PRPSAP2: variants seen among roughly 807,000 people sequenced by gnomAD.
PRPSAP2 encodes phosphoribosyl pyrophosphate synthetase associated protein 2.
A neutral mutation model predicts 40.6 loss-of-function variants in PRPSAP2; 24 were observed. The observed-to-expected ratio is 0.59, with a 90% CI of 0.43 to 0.83. The LOEUF (loss-of-function observed/expected upper bound fraction) is 0.83. Ranked by LOEUF, PRPSAP2 falls within the 40% of genes least tolerant of loss-of-function variation. The probability of loss-of-function intolerance (pLI) is 0.00; values close to 1 mark genes in which losing one functional copy is unlikely to be tolerated. For synonymous variants in PRPSAP2, 149 were observed against 164.7 expected, an observed-to-expected ratio of 0.90 and a Z score of 0.73; for missense variants, 292 against 465.6, an observed-to-expected ratio of 0.63 and a Z score of 3.43.
At chr17:18,884,628 C>T (rs548276283) in intron 7 of PRPSAP2, among the ~76,000 whole-genome samples, 9 of 152,300 alleles carry the variant, frequency 5.9e-5, no homozygotes, top group Non-Finnish European at 1.3e-4. Context: ...GTGTGAGCCA[C>T]TGTGCCTGGC....
At chr17:18,880,772 C>T (rs773621824) in intron 6 of PRPSAP2, among the ~76,000 whole-genome samples, 2 of 152,066 alleles carry the variant, frequency 1.3e-5, no homozygotes, top group Non-Finnish European at 2.9e-5. Context: ...TTGATCTGCT[C>T]TAATATAATT....
chr17:18,868,857 C>G (rs1409556619), intron 4 of PRPSAP2, among the ~76,000 whole-genome samples: 13 of 151,844 alleles, frequency 8.6e-5, no homozygotes, highest in Non-Finnish European at 1.5e-5. Flanking sequence ...AGGCCTGGCC[C>G]CTCTACAGGA....
chr17:18,911,360 A>G lies in PRPSAP2; in HGVS notation c.733+109A>G. 1 of 1,270,486 alleles carries G rather than the reference A, an allele frequency of 7.9e-7. No homozygotes were observed. Among genetic ancestry groups the G allele is most frequent in the Non-Finnish European group, 1.1e-6 (1 of 945,898 alleles). 78.7% of individuals were successfully genotyped at this position (1,270,486 alleles called of 1,614,324 possible). On this transcript the variant is annotated intron_variant, in intron 9 of 11. Coordinates refer to ENST00000268835, the MANE Select transcript of PRPSAP2 (RefSeq NM_002767.4). The surrounding 1 kb of genome is among the most constrained non-coding windows in gnomAD (Gnocchi z 4.5). ...CTTCGTTTTTTTTTAGTTGGCAAAAACTCATTAACACCTTTCTTGGCCAGA... is the reference window on the plus strand; with the variant it reads ...CTTCGTTTTTTTTTAGTTGGCAAAAGCTCATTAACACCTTTCTTGGCCAGA...
chr17:18,920,392 G>A (rs17842759), intron 9 of PRPSAP2, among the ~76,000 whole-genome samples: 29,300 of 151,910 alleles, frequency 0.19, 3,220 homozygotes, highest in African/African-American at 0.29. Flanking sequence ...TTCTTTACTC[G>A]TGGGATCTTT....
intron 9 of PRPSAP2, among the ~76,000 whole-genome samples, chr17:18,914,972 T>A (rs1448805728): frequency 6.6e-6 from 1 of 151,436 alleles, no homozygotes; most frequent in East Asian, 1.9e-4. Context: ...GTGGTCCGCC[T>A]GCCTCAGCCT....
At chr17:18,913,427 G>T (rs9906795) in intron 9 of PRPSAP2, among the ~76,000 whole-genome samples, 14,770 of 151,590 alleles carry the variant, frequency 0.097, 902 homozygotes, top group African/African-American at 0.17. Context: ...CCTTGAAATC[G>T]TTCTGCCCCC....
At chr17:18,896,763 A>T (rs533301988) in intron 8 of PRPSAP2, among the ~76,000 whole-genome samples, 1 of 152,144 alleles carries the variant, frequency 6.6e-6, no homozygotes, top group East Asian at 1.9e-4. Flanking sequence ...AAGCTGCCAG[A>T]TAGGCATAAT....
intron 8 of PRPSAP2, among the ~76,000 whole-genome samples, chr17:18,897,621 C>T (rs1351764333): frequency 2.0e-5 from 3 of 152,046 alleles, no homozygotes; most frequent in Non-Finnish European, 2.9e-5. Context: ...ATCTTCACAC[C>T]CAGCTAATTT....
chr17:18,912,109 G>A (rs2040995275), intron 9 of PRPSAP2, among the ~76,000 whole-genome samples: 1 of 151,992 alleles, frequency 6.6e-6, no homozygotes, highest in Admixed American at 6.6e-5. Context: ...TTGAACCCGG[G>A]AGACAGAGGT....
At chr17:18,898,030 C>A (rs549635675) in intron 8 of PRPSAP2, among the ~76,000 whole-genome samples, 1 of 125,280 alleles carries the variant, frequency 8.0e-6, no homozygotes. Flanking sequence ...GGCAGTGTCT[C>A]GCTCTGTCAC....
At chr17:18,900,211 G>A (rs1206394298) in intron 8 of PRPSAP2, among the ~76,000 whole-genome samples, 8 of 152,158 alleles carry the variant, frequency 5.3e-5, no homozygotes, top group African/African-American at 1.4e-4. Flanking sequence ...TAGTAGAGAC[G>A]GGGTTTTGCC....
At chr17:18,883,920 G>T (rs1395255154) in intron 7 of PRPSAP2, among the ~76,000 whole-genome samples, 3 of 151,720 alleles carry the variant, frequency 2.0e-5, no homozygotes, top group African/African-American at 7.3e-5. Context: ...TTTTGAAAGA[G>T]AAAAATGTAA....
intron 8 of PRPSAP2, among the ~76,000 whole-genome samples, chr17:18,900,231 AG>A (rs771279521): frequency 6.6e-6 from 1 of 152,214 alleles, no homozygotes; most frequent in Non-Finnish European, 1.5e-5. Context: ...CATGTTGGCC[AG>A]GCTGGTTTCA....
chr17:18,856,371 T>C (rs891098633), upstream of PRPSAP2: 1 of 152,142 alleles, frequency 6.6e-6, no homozygotes, highest in African/African-American at 2.4e-5. Context: ...CGGAGTTAGA[T>C]GCCAGCGCAG....
intron 8 of PRPSAP2, chr17:18,908,482 C>T (rs748482669): frequency 3.0e-5 from 23 of 759,396 alleles, no homozygotes; most frequent in African/African-American, 1.2e-4. Context: ...AGTGAGGCAC[C>T]GGCAACGTCA....
chr17:18,903,744 TAAAATA>T (rs2040420038), intron 8 of PRPSAP2, among the ~76,000 whole-genome samples: 1 of 151,876 alleles, frequency 6.6e-6, no homozygotes, highest in African/African-American at 2.4e-5. Flanking sequence ...AAAAACAAAG[TAAAATA>T]AAAAGGTATT....
chr17:18,864,428 G>A (rs1335790574), intron 1 of PRPSAP2, among the ~76,000 whole-genome samples: 2 of 151,832 alleles, frequency 1.3e-5, no homozygotes, highest in East Asian at 3.9e-4. Flanking sequence ...AGAGTAGCTG[G>A]GACTATAGGC....
At chr17:18,903,590 C>T (rs1167863317) in intron 8 of PRPSAP2, among the ~76,000 whole-genome samples, 2 of 151,906 alleles carry the variant, frequency 1.3e-5, no homozygotes, top group African/African-American at 2.4e-5. Flanking sequence ...AAAAATTAGC[C>T]GGGTGTGGTG....
chr17:18,880,018 C>T (rs1437985970), intron 6 of PRPSAP2, among the ~76,000 whole-genome samples: 1 of 152,048 alleles, frequency 6.6e-6, no homozygotes, highest in Non-Finnish European at 1.5e-5. Flanking sequence ...ATTGCTTGAA[C>T]CCGGGAGGTG....
Sources: allele counts gnomAD v4.1 joint callset (sites outside exome capture counted in the v4.1 genomes callset), GRCh38; gene constraint gnomAD v4.1.1; non-coding constraint Gnocchi (gnomAD v3.1); transcripts MANE v1.5; gene names NCBI Gene and HGNC (gene_info 2026-07-23, HGNC 2026-07-21).